The following ZNF20 variants were observed in gnomAD, a reference collection of about 807,000 sequenced individuals.
ZNF20 encodes zinc finger protein 20.
In ZNF20, 9 loss-of-function variants were observed where a neutral mutation model predicts 11.0. The ratio of observed to expected loss-of-function variants is 0.82; its 90% confidence interval spans 0.49 to 1.43. ZNF20 has a LOEUF of 1.43. ZNF20 is among the 40% of genes most tolerant of loss of function. The pLI is 0.00. For synonymous variants in ZNF20, 182 were observed against 213.0 expected (o/e 0.85, Z 1.27); for missense variants, 528 against 640.8 (o/e 0.82, Z 1.90).
chr19:12,138,232 C>G (rs914618810), intron 1 of ZNF20, among the ~76,000 whole-genome samples: 11 of 152,050 alleles, frequency 7.2e-5, no homozygotes, highest in African/African-American at 2.7e-4. Flanking sequence ...GCAGGCAGAT[C>G]ATTTGAGCTC....
Position 12,133,495 on chromosome 19 carries a change from G to A in ZNF20, c.691C>T (p.Gln231Ter), listed in dbSNP as rs1976659728. Reference sequence around the variant, plus strand: ...GAACGAGTAAAGGCCTTACCACATTGTTTACACTTATATGGTTTCACACCA... The same window carrying A: ...GAACGAGTAAAGGCCTTACCACATTATTTACACTTATATGGTTTCACACCA... ...HTGVKPYKCK[Q>*]CGKAFTRSTT... The change falls in exon 4 of 4, where the codon CAA (glutamine) becomes TAA (stop). Residue 231 changes from glutamine (Q) to a stop codon, truncating the protein, a stop_gained. Coordinates refer to ENST00000334213, the MANE Select transcript of ZNF20 (RefSeq NM_021143.4). LOFTEE classifies it low-confidence loss of function (END_TRUNC). 1 of 1,614,186 alleles carries A rather than the reference G, an allele frequency of 6.2e-7. No homozygotes were observed. Among genetic ancestry groups the A allele is most frequent in the Non-Finnish European group, 8.5e-7 (1 of 1,180,034 alleles).
At chr19:12,138,979 T>A (rs546629972) in intron 1 of ZNF20, among the ~76,000 whole-genome samples, 1 of 152,172 alleles carries the variant, frequency 6.6e-6, no homozygotes, top group South Asian at 2.1e-4. Flanking sequence ...ATTAGGAAAA[T>A]GCAGGAGGAA....
Position 12,133,523 on chromosome 19 carries a change from G to GTGAAT in ZNF20, c.658_662dup (p.His221GlnfsTer6). 6.2e-7 allele frequency: 1 copy of GTGAAT among 1,614,186 alleles called. No homozygotes were observed. Among genetic ancestry groups the GTGAAT allele is most frequent in the Non-Finnish European group, 8.5e-7 (1 of 1,180,042 alleles). ...TACACTTATATGGTTTCACACCAGT[G>GTGAAT]TGAATTCGTTCATGGATAAGACATA... On this transcript the variant is annotated frameshift_variant, in exon 4 of 4. Transcript: ENST00000334213. LOFTEE classifies it low-confidence loss of function (END_TRUNC).
Position 12,139,440 on chromosome 19 carries a change from A to T in ZNF20, c.3+740T>A, listed in dbSNP as rs1976763811. 6.6e-6 allele frequency among the ~76,000 whole-genome samples: 1 copy of T among 152,148 alleles called. No individual in the cohort carries two copies. The highest frequency in any genetic ancestry group is 2.1e-4 in the South Asian group (1 of 4,828). ...CTGGACCCCCTCCACCGTTAACAAA[A>T]TGCAATTCTTCTTAAAACTTTCTGG... On this transcript the variant is annotated intron_variant, in intron 1 of 3. Coordinates refer to ENST00000334213, the MANE Select transcript of ZNF20 (RefSeq NM_021143.4). This position sits in a 1 kb window ranked among gnomAD's most constrained non-coding sequence, Gnocchi z 4.0.
Position 12,133,717 on chromosome 19 carries a change from A to G in ZNF20, c.469T>C (p.Ser157Pro). 1 of 1,614,218 alleles carries G rather than the reference A, an allele frequency of 6.2e-7. No individual in the cohort carries two copies. Among genetic ancestry groups the G allele is most frequent in the Non-Finnish European group, 8.5e-7 (1 of 1,180,032 alleles). The change falls in exon 4 of 4, where the codon TCC becomes CCC. Residue 157 changes from serine (S) to proline (P), a missense_variant. Coordinates refer to ENST00000334213, the MANE Select transcript of ZNF20 (RefSeq NM_021143.4). ...CAAGCTTTATCATGTGATTGAAAGG[A>G]GTCAAGATAACTGAAGGCTTTCTTA... ...ECKKAFSYLDSFQSHDKACTK... is the reference protein window; with the variant it reads ...ECKKAFSYLDPFQSHDKACTK...
At position 12,132,304 on chromosome 19, in the gene ZNF20, C is replaced by T. The variant is rs139296485; in HGVS notation, c.*283G>A. 26 of 347,344 alleles carry T rather than the reference C, an allele frequency of 7.5e-5. No homozygotes were observed. The highest frequency in any genetic ancestry group is 5.5e-4 in the African/African-American group (26 of 47,216). The allele number at this position is 347,344 out of a possible 1,614,324, so 21.5% of individuals were successfully genotyped here. Reference sequence around the variant, plus strand: ...CAAGCCAAAGAATCAGGAAAATGGGCTGGAAGCGGGTAGCCACACACCTCT... The same window carrying T: ...CAAGCCAAAGAATCAGGAAAATGGGTTGGAAGCGGGTAGCCACACACCTCT... On this transcript the variant is annotated 3_prime_UTR_variant, in exon 4 of 4. Coordinates refer to ENST00000334213, the MANE Select transcript of ZNF20 (RefSeq NM_021143.4).
At chr19:12,134,092 G>A (rs1976672024) in intron 3 of ZNF20, 107 bp from the exon 4 acceptor site, 1 of 925,052 alleles carries the variant, frequency 1.1e-6, no homozygotes, top group Non-Finnish European at 1.6e-6. Context: ...GGGAGGCTGA[G>A]GTGGGCAGAT....
intron 1 of ZNF20, among the ~76,000 whole-genome samples, chr19:12,137,892 A>G (rs1451961794): frequency 2.0e-5 from 3 of 152,144 alleles, no homozygotes; most frequent in Non-Finnish European, 4.4e-5. Flanking sequence ...GGGGAGAAAA[A>G]CTGAGCATCC....
In ZNF20 at chr19:12,139,099, A is replaced by C. The variant is rs1240461852; in HGVS notation, c.3+1081T>G. ...GGACACCAAAATCAAACTCAAATTGAGGCAGGAAAATAGGGTCTGGACGCA... is the reference window on the plus strand; with the variant it reads ...GGACACCAAAATCAAACTCAAATTGCGGCAGGAAAATAGGGTCTGGACGCA... On this transcript the variant is annotated intron_variant, in intron 1 of 3. Coordinates refer to ENST00000334213, the MANE Select transcript of ZNF20 (RefSeq NM_021143.4). This position sits in a 1 kb window ranked among gnomAD's most constrained non-coding sequence, Gnocchi z 4.0. Among the ~76,000 whole-genome samples the C allele has an allele frequency of 6.6e-6, 1 of 152,216 alleles. No homozygotes were observed. Among genetic ancestry groups the C allele is most frequent in the Non-Finnish European group, 1.5e-5 (1 of 68,042 alleles).
chr19:12,133,646 G>A lies in ZNF20; in HGVS notation c.540C>T (p.Phe180=). ...PYDGKECTET[F]ISHSCIQRHR... The stretch of plus-strand genomic sequence containing the variant: ...GTCTTTGAATGCATGAATGGGAAAT[G>A]AAGGTTTCTGTACATTCTTTACCAT... The change falls in exon 4 of 4, where the codon TTC becomes TTT. Residue 180 remains phenylalanine (F), a synonymous_variant. Coordinates refer to ENST00000334213, the MANE Select transcript of ZNF20 (RefSeq NM_021143.4). 1 of 1,614,194 alleles carries A rather than the reference G, an allele frequency of 6.2e-7. No individual in the cohort carries two copies. The highest frequency in any genetic ancestry group is 1.6e-4 in the Middle Eastern group (1 of 6,062).
At position 12,139,131 on chromosome 19, in the gene ZNF20, A is replaced by T. The variant is rs1976758537; in HGVS notation, c.3+1049T>A. Among the ~76,000 whole-genome samples the T allele has an allele frequency of 1.3e-5, 2 of 152,244 alleles. No individual in the cohort carries two copies. The highest frequency in any genetic ancestry group is 4.8e-5 in the African/African-American group (2 of 41,464). On this transcript the variant is annotated intron_variant, in intron 1 of 3. Transcript: ENST00000334213. This position sits in a 1 kb window ranked among gnomAD's most constrained non-coding sequence, Gnocchi z 4.0. ...AAAATAGGGTCTGGACGCAGGGAAC[A>T]TAAGGCCTATTCAAACTTCAGCTAT...
chr19:12,132,621 C>T lies in ZNF20; in HGVS notation c.1565G>A (p.Arg522Gln), dbSNP rs368982962. Reference protein sequence around the residue: ...GKAFIRASSCREHERTHTINR With the variant: ...GKAFIRASSCQEHERTHTINR ...AATGGTATGAGTTCTTTCATGTTCTCGACATGAACTGGCACGAATAAAGGC... is the reference window on the plus strand; with the variant it reads ...AATGGTATGAGTTCTTTCATGTTCTTGACATGAACTGGCACGAATAAAGGC... The change falls in exon 4 of 4, where the codon CGA becomes CAA. Residue 522 changes from arginine (R) to glutamine (Q), a missense_variant. Arg to Gln is a conservative substitution (Grantham distance 43). Coordinates refer to ENST00000334213, the MANE Select transcript of ZNF20 (RefSeq NM_021143.4). 3.7e-5 allele frequency: 60 copies of T among 1,605,290 alleles called. No homozygotes were observed. The highest frequency in any genetic ancestry group is 4.8e-5 in the Non-Finnish European group (57 of 1,176,996).
At position 12,131,442 on chromosome 19, in the gene ZNF20, A is replaced by G. The variant is rs1337245074; in HGVS notation, c.*1145T>C. On this transcript the variant is annotated 3_prime_UTR_variant, in exon 4 of 4. Coordinates refer to ENST00000334213, the MANE Select transcript of ZNF20 (RefSeq NM_021143.4). ...TTGGTCATATTCATTACCACAGTAT[A>G]TTATTACACCCTCTTTGACGACACT... 1 of 152,216 alleles carries G rather than the reference A, an allele frequency of 6.6e-6. No individual in the cohort carries two copies. The highest frequency in any genetic ancestry group is 1.9e-4 in the East Asian group (1 of 5,206). The allele number at this position is 152,216 out of a possible 1,614,324, so 9.4% of individuals were successfully genotyped here. A position where few individuals can be genotyped will look rare whatever the true frequency, so the allele number is the denominator to read the frequency against.
rs1976648502 is a variant in ZNF20, at chr19:12,133,013, T to C, written c.1173A>G (p.Gly391=). The C allele has an allele frequency of 6.2e-7, 1 of 1,614,114 alleles. No homozygotes were observed. The highest frequency in any genetic ancestry group is 2.2e-5 in the East Asian group (1 of 44,894). The change falls in exon 4 of 4, where the codon GGA becomes GGG. Residue 391 remains glycine (G), a synonymous_variant. Coordinates refer to ENST00000334213, the MANE Select transcript of ZNF20 (RefSeq NM_021143.4). ...QLQIHERTHS[G]EKPHECKECG... Reference sequence around the variant, plus strand: ...ATTCCTTACATTCATGGGGTTTCTCTCCACTGTGCGTCCTTTCATGAATTT... The same window carrying C: ...ATTCCTTACATTCATGGGGTTTCTCCCCACTGTGCGTCCTTTCATGAATTT...
chr19:12,136,407 C>T (rs554147202), intron 1 of ZNF20, among the ~76,000 whole-genome samples: 21 of 151,316 alleles, frequency 1.4e-4, no homozygotes, highest in Admixed American at 5.9e-4. Flanking sequence ...ATAGGCCAGG[C>T]GCAGTGGCTC....
chr19:12,133,179 T>G lies in ZNF20; in HGVS notation c.1007A>C (p.Glu336Ala), dbSNP rs1976652672. ...ACATTGCCTACATTCATAGGGTTTC[T>G]CTCCAGTGTGAGTCCTTCCATGCTT... ...LQKHGRTHTGEKPYECRQCGK... is the reference protein window; with the variant it reads ...LQKHGRTHTGAKPYECRQCGK... Residue 336 changes from glutamate (E) to alanine (A), a missense_variant, in exon 4 of 4, where the codon GAG (glutamate) becomes GCG (alanine). Glu to Ala is a moderately radical substitution (Grantham distance 107). Coordinates refer to ENST00000334213, the MANE Select transcript of ZNF20 (RefSeq NM_021143.4). 2 of 1,613,780 alleles carry G rather than the reference T, an allele frequency of 1.2e-6. No homozygotes were observed. Among genetic ancestry groups the G allele is most frequent in the Admixed American group, 1.7e-5 (1 of 59,994 alleles).
At position 12,131,581 on chromosome 19, in the gene ZNF20, A is replaced by T. The variant is rs1041662437; in HGVS notation, c.*1006T>A. 6.6e-6 allele frequency: 1 copy of T among 152,260 alleles called. No homozygotes were observed. Among genetic ancestry groups the T allele is most frequent in the Non-Finnish European group, 1.5e-5 (1 of 68,044 alleles). The allele number at this position is 152,260 out of a possible 1,614,324, so 9.4% of individuals were successfully genotyped here. ...GATAAAAACTAAGAATATAAGCATG[A>T]AAAGTAAAATCTACATGAGGAAAAA... On this transcript the variant is annotated 3_prime_UTR_variant, in exon 4 of 4. Coordinates refer to ENST00000334213, the MANE Select transcript of ZNF20 (RefSeq NM_021143.4).
At position 12,132,303 on chromosome 19, in the gene ZNF20, G is replaced by T; in HGVS notation, c.*284C>A. On this transcript the variant is annotated 3_prime_UTR_variant, in exon 4 of 4. Transcript: ENST00000334213. Reference sequence around the variant, plus strand: ...ACAAGCCAAAGAATCAGGAAAATGGGCTGGAAGCGGGTAGCCACACACCTC... The same window carrying T: ...ACAAGCCAAAGAATCAGGAAAATGGTCTGGAAGCGGGTAGCCACACACCTC... 1 of 346,236 alleles carries T rather than the reference G, an allele frequency of 2.9e-6. No homozygotes were observed. The highest frequency in any genetic ancestry group is 5.2e-6 in the Non-Finnish European group (1 of 192,396). 21.4% of individuals were successfully genotyped at this position (346,236 alleles called of 1,614,324 possible). A position where few individuals can be genotyped will look rare whatever the true frequency, so the allele number is the denominator to read the frequency against.
At chr19:12,135,671 A>T in intron 2 of ZNF20, 98 bp downstream of exon 2, 3 of 1,591,436 alleles carry the variant, frequency 1.9e-6, no homozygotes, top group Non-Finnish European at 2.6e-6. Flanking sequence ...TTTATTCATC[A>T]AAGTATTTTT....
Sources: gnomAD v4.1 joint callset for allele counts (sites outside exome capture counted in the v4.1 genomes callset) on GRCh38, gnomAD v4.1.1 for gene constraint, Gnocchi (gnomAD v3.1) non-coding constraint, MANE v1.5 for transcripts, NCBI Gene and HGNC (gene_info 2026-07-23, HGNC 2026-07-21) for gene names.